Variants in CCDC102B observed in about 807,000 individuals in gnomAD.
CCDC102B encodes coiled-coil domain-containing protein 102B.
CCDC102B carries 75 observed loss-of-function variants against 57.4 expected under a neutral mutation model. The ratio of observed to expected loss-of-function variants is 1.31; its 90% CI spans 1.08 to 1.58. The LOEUF is 1.58. Ranked by LOEUF, CCDC102B falls within the 40% of genes most tolerant of loss-of-function variation. The pLI, the probability that CCDC102B is intolerant of heterozygous loss-of-function variation, is 0.00. For missense variants in CCDC102B, 636 were observed against 582.6 expected, an observed-to-expected ratio of 1.09 and a Z score of -0.94; for synonymous variants, 206 against 201.9, an observed-to-expected ratio of 1.02 and a Z score of -0.17.
chr18:68,905,085 T>C (rs553130079), intron 6 of CCDC102B, among the ~76,000 whole-genome samples: 19 of 151,350 alleles, frequency 1.3e-4, no homozygotes, highest in Non-Finnish European at 2.5e-4. Context: ...AAGGCAAATA[T>C]AAGGTTATTG....
chr18:68,841,170 C>A (rs2037612942), intron 3 of CCDC102B, among the ~76,000 whole-genome samples: 1 of 152,110 alleles, frequency 6.6e-6, no homozygotes, highest in Non-Finnish European at 1.5e-5. Flanking sequence ...CTTTTAAATT[C>A]TTCTTCCTGG....
Position 68,846,405 on chromosome 18 carries a change from C to A in CCDC102B, c.920C>A (p.Pro307Gln). The A allele has an allele frequency of 1.9e-6, 3 of 1,575,248 alleles. No individual in the cohort carries two copies. Among genetic ancestry groups the A allele is most frequent in the Non-Finnish European group, 2.6e-6 (3 of 1,162,028 alleles). Residue 307 changes from proline to glutamine, a missense_variant, in exon 4 of 8, where the codon CCA (proline) becomes CAA (glutamine). Coordinates refer to ENST00000360242, the MANE Select transcript of CCDC102B (RefSeq NM_024781.3). Reference protein sequence around the residue: ...WKYEELKESKPKNVKEFDILL... With the variant: ...WKYEELKESKQKNVKEFDILL... The stretch of plus-strand genomic sequence containing the variant: ...TATGAAGAACTGAAAGAATCAAAGC[C>A]AAAAAATGTGAAAGAGGTATGGGGG...
chr18:68,885,394 T>G (rs2039847972), intron 5 of CCDC102B, among the ~76,000 whole-genome samples: 1 of 152,106 alleles, frequency 6.6e-6, no homozygotes, highest in Middle Eastern at 3.4e-3. Context: ...GATGAATATA[T>G]CCATCCAATA....
chr18:69,033,495 T>G (rs1464528691), intron 7 of CCDC102B, among the ~76,000 whole-genome samples: 1 of 152,122 alleles, frequency 6.6e-6, no homozygotes, highest in Admixed American at 6.6e-5. Context: ...TTTCCCTCTT[T>G]ACAGACTTTC....
intron 6 of CCDC102B, among the ~76,000 whole-genome samples, chr18:68,911,164 AG>A (rs2040830451): frequency 6.6e-6 from 1 of 152,218 alleles, no homozygotes; most frequent in Admixed American, 6.5e-5. Flanking sequence ...TATTCCCAAT[AG>A]CAAAGACATG....
chr18:68,808,724 C>T (rs775660100), intron 1 of CCDC102B, among the ~76,000 whole-genome samples: 3 of 152,074 alleles, frequency 2.0e-5, no homozygotes, highest in Non-Finnish European at 4.4e-5. Context: ...TTGATCCGCC[C>T]ACCTTGGCCT....
chr18:68,931,460 G>A (rs2041670255), intron 6 of CCDC102B, among the ~76,000 whole-genome samples: 1 of 151,602 alleles, frequency 6.6e-6, no homozygotes, highest in Admixed American at 6.6e-5. Flanking sequence ...TCTCAACATG[G>A]GCCATATCAT....
At chr18:69,053,711 G>A (rs2052763239) in intron 7 of CCDC102B, among the ~76,000 whole-genome samples, 1 of 151,376 alleles carries the variant, frequency 6.6e-6, no homozygotes, top group African/African-American at 2.4e-5. Flanking sequence ...TATTAAGATG[G>A]AGATAGAAAG....
At chr18:68,719,577 A>G (rs2032213576) in intron 2 of CCDC102B, among the ~76,000 whole-genome samples, 3 of 152,160 alleles carry the variant, frequency 2.0e-5, no homozygotes, top group Non-Finnish European at 1.5e-5. Flanking sequence ...CAGGCTTTCA[A>G]TGAATTGGAT....
At chr18:69,042,485 G>A (rs890498221) in intron 7 of CCDC102B, among the ~76,000 whole-genome samples, 20 of 152,124 alleles carry the variant, frequency 1.3e-4, no homozygotes, top group East Asian at 9.7e-4. Context: ...CACTGGACCC[G>A]CAGCATTCAT....
At chr18:68,766,770 G>A (rs1398551347) in intron 2 of CCDC102B, among the ~76,000 whole-genome samples, 1 of 152,082 alleles carries the variant, frequency 6.6e-6, no homozygotes, top group Non-Finnish European at 1.5e-5. Context: ...TGTGCCACAG[G>A]CCTCAGTTGA....
chr18:68,972,846 C>T (rs924338948), intron 6 of CCDC102B, among the ~76,000 whole-genome samples: 7 of 151,954 alleles, frequency 4.6e-5, no homozygotes, highest in African/African-American at 9.7e-5. Flanking sequence ...TTTTAGACGC[C>T]GGTCAAAAAT....
In CCDC102B at chr18:68,768,938, A is replaced by G. The variant is rs185899525; in HGVS notation, c.-67+52344A>G. Among the ~76,000 whole-genome samples the G allele has an allele frequency of 1.5e-3, 226 of 152,260 alleles. 1 individual carries two copies. Among genetic ancestry groups the G allele is most frequent in the African/African-American group, 5.3e-3 (219 of 41,562 alleles). On this transcript the variant is annotated intron_variant, in intron 2 of 3. Coordinates refer to the CCDC102B transcript ENST00000578970. Reference sequence around the variant, plus strand: ...TAACTAGAAGAAAGGGGAATGAGGTAGCAAGGAAGGTGAAATGTAAAGATG... The same window carrying G: ...TAACTAGAAGAAAGGGGAATGAGGTGGCAAGGAAGGTGAAATGTAAAGATG...
At chr18:68,952,135 A>G (rs531753282) in intron 6 of CCDC102B, among the ~76,000 whole-genome samples, 5 of 152,272 alleles carry the variant, frequency 3.3e-5, no homozygotes, top group Admixed American at 6.5e-5. Context: ...ATATTCTTCT[A>G]TGTTATACTA....
chr18:68,838,607 G>A (rs938937292), intron 2 of CCDC102B, 99 bp from the exon 3 acceptor site: 1 of 1,479,334 alleles, frequency 6.8e-7, no homozygotes, highest in African/African-American at 1.4e-5. Flanking sequence ...AATATGAATT[G>A]GTTGTGGTAT....
chr18:68,844,498 G>C (rs1402178515), intron 3 of CCDC102B, among the ~76,000 whole-genome samples: 1 of 151,628 alleles, frequency 6.6e-6, no homozygotes, highest in African/African-American at 2.4e-5. Context: ...TTATAAATAT[G>C]GTGATTCTTA....
At chr18:68,724,778 G>A (rs1453073215) in intron 2 of CCDC102B, among the ~76,000 whole-genome samples, 2 of 152,098 alleles carry the variant, frequency 1.3e-5, no homozygotes, top group Non-Finnish European at 2.9e-5. Flanking sequence ...ACATTTTCCT[G>A]TCTTCTTTTG....
chr18:68,891,824 A>G (rs62097628), intron 5 of CCDC102B, among the ~76,000 whole-genome samples: 53,202 of 151,968 alleles, frequency 0.35, 11,707 homozygotes, highest in East Asian at 0.68. Flanking sequence ...CTTAATCTTT[A>G]TTACCTATTT....
intron 6 of CCDC102B, among the ~76,000 whole-genome samples, chr18:68,938,265 C>A (rs2049296000): frequency 6.6e-6 from 1 of 151,964 alleles, no homozygotes; most frequent in African/African-American, 2.4e-5. Context: ...GAATATTAAA[C>A]TTCTAAGAGA....
Sources: allele counts gnomAD v4.1 joint callset (sites outside exome capture counted in the v4.1 genomes callset), GRCh38; gene constraint gnomAD v4.1.1; transcripts MANE v1.5; gene names NCBI Gene and HGNC (gene_info 2026-07-23, HGNC 2026-07-21).